Variants in TOX4 observed in about 807,000 individuals in gnomAD.
TOX4 encodes epidermal Langerhans cell protein LCP1.
In TOX4, 12 loss-of-function variants were observed where a neutral mutation model predicts 61.0. The observed-to-expected ratio is 0.20, with a 90% CI of 0.13 to 0.32. The LOEUF (loss-of-function observed/expected upper bound fraction) is 0.32, where lower values mean the gene tolerates loss of function less well. TOX4 is among the 10% of genes least tolerant of loss of function. The pLI, the probability that TOX4 is intolerant of heterozygous loss-of-function variation, is 1.00. For missense variants in TOX4, 499 were observed against 753.3 expected (o/e 0.66, Z 3.95); for synonymous variants, 268 against 274.8 (o/e 0.98, Z 0.24).
Position 21,495,380 on chromosome 14 carries a change from T to G in TOX4, c.1793T>G (p.Val598Gly), listed in dbSNP as rs1178529967. 7.4e-6 allele frequency: 12 copies of G among 1,613,490 alleles called. No homozygotes were observed. The highest frequency in any genetic ancestry group is 1.3e-5 in the African/African-American group (1 of 74,916). Reference sequence around the variant, plus strand: ...GAATACTGCAGCAATGAGTGTGTGGTGAAGCACTGCAGGTGAGCTTACAGT... The same window carrying G: ...GAATACTGCAGCAATGAGTGTGTGGGGAAGCACTGCAGGTGAGCTTACAGT... The part of the protein sequence containing the change: ...DNEYCSNECV[V>G]KHCRDVFLAW... Residue 598 changes from valine (V) to glycine (G), a missense_variant, in exon 8 of 9, where the codon GTG becomes GGG. Val to Gly is a moderately radical substitution (Grantham distance 109, BLOSUM62 -3). Transcript: ENST00000448790.
intron 5 of TOX4, among the ~76,000 whole-genome samples, chr14:21,491,024 C>T (rs111638775): frequency 9.2e-5 from 14 of 152,344 alleles, no homozygotes; most frequent in African/African-American, 2.9e-4. Flanking sequence ...AGGGTTTCAC[C>T]GTGTTGGTCA....
intron 5 of TOX4, chr14:21,491,984 C>T: frequency 5.3e-6 from 1 of 188,486 alleles, no homozygotes; most frequent in South Asian, 9.8e-5. Flanking sequence ...GCACTCGAGC[C>T]TGGGCGAGAG....
intron 8 of TOX4, 172 bp from the exon 9 acceptor site, chr14:21,496,374 A>G (rs751103121): frequency 3.7e-6 from 2 of 536,700 alleles, no homozygotes; most frequent in Non-Finnish European, 6.7e-6. Flanking sequence ...AAAAATACAA[A>G]AAATTGGCCG....
intron 7 of TOX4, 148 bp downstream of exon 7, chr14:21,493,405 GT>G (rs35547331): frequency 0.93 from 743,887 of 803,920 alleles, 345,121 homozygotes; most frequent in Non-Finnish European, 0.94. Context: ...CCTTGCAGCA[GT>G]TGACTTCTCT....
intron 5 of TOX4, among the ~76,000 whole-genome samples, chr14:21,490,261 G>A (rs950052672): frequency 5.3e-5 from 8 of 151,494 alleles, no homozygotes; most frequent in African/African-American, 1.7e-4. Context: ...GGCGGATTAC[G>A]AAGTCAGGAG....
intron 2 of TOX4, among the ~76,000 whole-genome samples, chr14:21,487,133 C>T (rs1182275861): frequency 6.6e-6 from 1 of 152,016 alleles, no homozygotes; most frequent in Non-Finnish European, 1.5e-5. Context: ...AAGGCTATGT[C>T]CTAAGTAATG....
chr14:21,493,403 C>G, intron 7 of TOX4, 146 bp downstream of exon 7: 1 of 748,946 alleles, frequency 1.3e-6, no homozygotes, highest in Non-Finnish European at 1.9e-6. Context: ...TTCCTTGCAG[C>G]AGTTGACTTC....
Position 21,479,603 on chromosome 14 carries a change from G to A in TOX4, c.75+2039G>A, listed in dbSNP as rs187247294. Among the ~76,000 whole-genome samples the A allele has an allele frequency of 2.4e-3, 370 of 152,222 alleles. 1 individual carries two copies. Among genetic ancestry groups the A allele is most frequent in the Middle Eastern group, 0.01 (3 of 294 alleles). On this transcript the variant is annotated intron_variant, in intron 2 of 8. Transcript: ENST00000448790. ...GCAGAGGTTGCAGTGAGCCGAGATT[G>A]CGCCATTGTACTCCAGCCTAGGTGA...
At chr14:21,491,114 C>T (rs1424274877) in intron 5 of TOX4, among the ~76,000 whole-genome samples, 16 of 147,672 alleles carry the variant, frequency 1.1e-4, no homozygotes, top group Admixed American at 8.8e-4. Context: ...TGTGAGCCAC[C>T]GCACCTGGCC....
chr14:21,491,423 A>C (rs1239613007), intron 5 of TOX4, among the ~76,000 whole-genome samples: 5 of 151,926 alleles, frequency 3.3e-5, no homozygotes, highest in African/African-American at 1.2e-4. Context: ...GCAGTAGCAC[A>C]ATCTTGGTTG....
At chr14:21,478,806 T>C (rs1409646095) in intron 2 of TOX4, among the ~76,000 whole-genome samples, 1 of 152,022 alleles carries the variant, frequency 6.6e-6, no homozygotes, top group Non-Finnish European at 1.5e-5. Flanking sequence ...TTAACTTTTT[T>C]TTTCTTTCTT....
chr14:21,477,915 TG>T (rs893751091), intron 2 of TOX4, among the ~76,000 whole-genome samples: 39 of 152,020 alleles, frequency 2.6e-4, no homozygotes, highest in African/African-American at 8.0e-4. Flanking sequence ...CTGAAGAAAT[TG>T]GGGTTGAGGG....
At chr14:21,490,625 AG>A (rs1891271092) in intron 5 of TOX4, among the ~76,000 whole-genome samples, 1 of 152,180 alleles carries the variant, frequency 6.6e-6, no homozygotes, top group South Asian at 2.1e-4. Flanking sequence ...GACACAATCC[AG>A]GTTCTTTAAC....
At chr14:21,494,167 T>C (rs926687021) in intron 7 of TOX4, among the ~76,000 whole-genome samples, 1 of 152,258 alleles carries the variant, frequency 6.6e-6, no homozygotes, top group African/African-American at 2.4e-5. Flanking sequence ...TTCAGAGTTG[T>C]TACCCAAGGA....
At chr14:21,491,616 G>T (rs1297527579) in intron 5 of TOX4, among the ~76,000 whole-genome samples, 1 of 150,246 alleles carries the variant, frequency 6.7e-6, no homozygotes, top group Admixed American at 6.6e-5. Flanking sequence ...GGCCACCTTG[G>T]CCTCCCAAAG....
intron 8 of TOX4, chr14:21,496,211 CA>C (rs570396556): frequency 0.028 from 3,039 of 110,188 alleles, no homozygotes; most frequent in South Asian, 0.096. Context: ...GACTCCATCT[CA>C]AAAAAAAAAA....
intron 3 of TOX4, chr14:21,488,214 A>C: frequency 5.0e-6 from 1 of 200,308 alleles, no homozygotes; most frequent in Admixed American, 5.3e-5. Flanking sequence ...GGCCTTATTT[A>C]TGCTGATTGC....
At chr14:21,483,387 C>T (rs370433754) in intron 2 of TOX4, among the ~76,000 whole-genome samples, 2 of 143,228 alleles carry the variant, frequency 1.4e-5, no homozygotes, top group African/African-American at 2.6e-5. Context: ...GTTCCTATAA[C>T]TTTTTTTTTT....
At chr14:21,488,560 G>A (rs1185461792) in intron 3 of TOX4, 30 bp from the exon 4 acceptor site, 1 of 1,594,834 alleles carries the variant, frequency 6.3e-7, no homozygotes, top group Non-Finnish European at 8.6e-7. Flanking sequence ...TTTATATTTA[G>A]TGTTTAATTA....
Sources: gnomAD v4.1 joint callset for allele counts (sites outside exome capture counted in the v4.1 genomes callset) on GRCh38, gnomAD v4.1.1 for gene constraint, MANE v1.5 for transcripts, NCBI Gene and HGNC (gene_info 2026-07-23, HGNC 2026-07-21) for gene names.